BANP: variants seen among roughly 807,000 people sequenced by gnomAD.
The protein encoded by BANP is BTG3 associated nuclear protein.
A neutral mutation model predicts 68.1 loss-of-function variants in BANP; 11 were observed. That is an observed-to-expected ratio of 0.16 (90% CI 0.10 to 0.27). The LOEUF (loss-of-function observed/expected upper bound fraction) is 0.27, where lower values mean the gene tolerates loss of function less well. BANP is among the 10% of genes least tolerant of loss of function. The pLI is 1.00. For synonymous variants in BANP, 329 were observed against 303.2 expected (o/e 1.09, Z -0.88); for missense variants, 504 against 722.7 (o/e 0.70, Z 3.47).
chr16:88,019,527 A>G (rs1349217164), intron 7 of BANP, among the ~76,000 whole-genome samples: 2 of 135,540 alleles, frequency 1.5e-5, no homozygotes, highest in Admixed American at 1.6e-4. Flanking sequence ...AGCGTCCAGG[A>G]TCTCAGCATG....
At chr16:87,964,778 G>A (rs900986174) in intron 1 of BANP, among the ~76,000 whole-genome samples, 7 of 152,230 alleles carry the variant, frequency 4.6e-5, no homozygotes, top group Non-Finnish European at 8.8e-5. Flanking sequence ...AGACGAGGCC[G>A]GATCAGGGTG....
At chr16:88,027,302 G>C (rs1369928176) in intron 7 of BANP, among the ~76,000 whole-genome samples, 181 bp from the exon 8 acceptor site, 6 of 152,194 alleles carry the variant, frequency 3.9e-5, no homozygotes, top group Non-Finnish European at 8.8e-5. Context: ...CCGCCTGTGG[G>C]CCAGCTAAGC....
At chr16:88,044,646 G>A (rs1202767118) in intron 11 of BANP, among the ~76,000 whole-genome samples, 1 of 152,188 alleles carries the variant, frequency 6.6e-6, no homozygotes, top group Non-Finnish European at 1.5e-5. Context: ...GGGACTATCG[G>A]TGTGCACCAC....
chr16:87,998,657 CACAT>C (rs2068014874), intron 4 of BANP, among the ~76,000 whole-genome samples: 1 of 148,730 alleles, frequency 6.7e-6, no homozygotes, highest in Non-Finnish European at 1.5e-5. Flanking sequence ...GACACCCAGA[CACAT>C]CTCCATGCAT....
chr16:87,953,570 A>G (rs1423777981), intron 1 of BANP, among the ~76,000 whole-genome samples: 1 of 152,148 alleles, frequency 6.6e-6, no homozygotes, highest in Non-Finnish European at 1.5e-5. Context: ...CCCTTCTGTC[A>G]TATCCCAACT....
chr16:88,051,686 A>G (rs2083301260), intron 11 of BANP, among the ~76,000 whole-genome samples: 1 of 152,224 alleles, frequency 6.6e-6, no homozygotes, highest in Non-Finnish European at 1.5e-5. Flanking sequence ...CACCCACCTG[A>G]CATAAAAATC....
Position 88,062,940 on chromosome 16 carries a change from G to A in BANP, c.1312-2327G>A, listed in dbSNP as rs760007377. ...GGGCGCTCATCTTGGGGCGTGCAGCGCTCTGTAGGGACCCTGGCGTGACCT... is the reference window on the plus strand; with the variant it reads ...GGGCGCTCATCTTGGGGCGTGCAGCACTCTGTAGGGACCCTGGCGTGACCT... On this transcript the variant is annotated intron_variant, in intron 11 of 13. Coordinates refer to ENST00000682872, the MANE Select transcript of BANP (RefSeq NM_001386991.1). Among the ~76,000 whole-genome samples the A allele has an allele frequency of 1.2e-4, 18 of 152,312 alleles. No individual in the cohort carries two copies. In the South Asian group the frequency reaches 1.5e-3, roughly 12 times the overall value.
chr16:87,995,622 C>T lies in BANP; in HGVS notation c.363-8673C>T, dbSNP rs1004707519. Among the ~76,000 whole-genome samples, 14 of 152,308 alleles carry T rather than the reference C, an allele frequency of 9.2e-5. No homozygotes were observed. In the South Asian group the frequency reaches 1.7e-3, roughly 18 times the overall value. On this transcript the variant is annotated intron_variant, in intron 4 of 13. Transcript: ENST00000682872. ...AATTATAAAAGGGATGCCTACCTGG[C>T]GGCAGAGTGTCACGTGGTGAGGCTG...
In BANP at chr16:88,036,448, C is replaced by T. The variant is rs959062900; in HGVS notation, c.1272+1054C>T. Reference sequence around the variant, plus strand: ...CCTGCCATCGGGGACTCACAGCGGGCGCAGAGCCTCCTGCCCAAGTGCCCG... The same window carrying T: ...CCTGCCATCGGGGACTCACAGCGGGTGCAGAGCCTCCTGCCCAAGTGCCCG... On this transcript the variant is annotated intron_variant, in intron 10 of 13. Coordinates refer to ENST00000682872, the MANE Select transcript of BANP (RefSeq NM_001386991.1). This position sits in a 1 kb window ranked among gnomAD's most constrained non-coding sequence, Gnocchi z 4.2. Among the ~76,000 whole-genome samples, 15 of 152,222 alleles carry T rather than the reference C, an allele frequency of 9.9e-5. No homozygotes were observed. Among genetic ancestry groups the T allele is most frequent in the Admixed American group, 3.3e-4 (5 of 15,298 alleles).
intron 5 of BANP, among the ~76,000 whole-genome samples, chr16:88,005,478 A>C (rs1225253943): frequency 6.6e-6 from 1 of 152,230 alleles, no homozygotes; most frequent in Non-Finnish European, 1.5e-5. Flanking sequence ...TAAGTCTCTA[A>C]ATCATCCTTT....
chr16:88,024,036 G>C (rs2152699333), intron 7 of BANP, among the ~76,000 whole-genome samples: 1 of 152,358 alleles, frequency 6.6e-6, no homozygotes, highest in African/African-American at 2.4e-5. Flanking sequence ...GAGCACTTCT[G>C]TTCTCCTTGT....
At chr16:87,970,351 C>G (rs1343670751) in intron 1 of BANP, among the ~76,000 whole-genome samples, 1 of 152,200 alleles carries the variant, frequency 6.6e-6, no homozygotes, top group Non-Finnish European at 1.5e-5. Context: ...GTGCTGAATT[C>G]TTCATTAATG....
intron 4 of BANP, among the ~76,000 whole-genome samples, chr16:87,987,367 C>T (rs1424818288): frequency 2.0e-5 from 3 of 152,120 alleles, no homozygotes; most frequent in Non-Finnish European, 4.4e-5. Context: ...GCGTGAGCCA[C>T]CACGCCTAGT....
At chr16:88,019,493 C>T (rs2075388344) in intron 7 of BANP, among the ~76,000 whole-genome samples, 1 of 147,048 alleles carries the variant, frequency 6.8e-6, no homozygotes, top group Non-Finnish European at 1.5e-5. Context: ...GATCTCGAAA[C>T]AGGGCGAGCG....
chr16:87,996,586 C>G (rs1458121781), intron 4 of BANP, among the ~76,000 whole-genome samples: 2 of 148,168 alleles, frequency 1.3e-5, no homozygotes, highest in East Asian at 4.0e-4. Context: ...TTGCTGGGCC[C>G]TCGTCCTGGG....
chr16:88,016,111 C>T (rs929061038), intron 6 of BANP, among the ~76,000 whole-genome samples: 1 of 152,250 alleles, frequency 6.6e-6, no homozygotes, highest in Non-Finnish European at 1.5e-5. Context: ...TAAAAATCCT[C>T]CCTTCAGAAG....
Position 88,071,711 on chromosome 16 carries a change from A to T in BANP, c.1378-358A>T. 2 of 512,182 alleles carry T rather than the reference A, an allele frequency of 3.9e-6. No individual in the cohort carries two copies. Among genetic ancestry groups the T allele is most frequent in the Non-Finnish European group, 7.6e-6 (2 of 264,164 alleles). The allele number at this position is 512,182 out of a possible 1,614,324, so 31.7% of individuals were successfully genotyped here. A position where few individuals can be genotyped will look rare whatever the true frequency, so the allele number is the denominator to read the frequency against. Reference sequence around the variant, plus strand: ...CACTCTGGGAGCGCTTGTGCTCTTCATGGTTGCCACTGGGATTTTCCAGGA... The same window carrying T: ...CACTCTGGGAGCGCTTGTGCTCTTCTTGGTTGCCACTGGGATTTTCCAGGA... On this transcript the variant is annotated intron_variant, in intron 12 of 13. Transcript: ENST00000682872. This position sits in a 1 kb window ranked among gnomAD's most constrained non-coding sequence, Gnocchi z 6.5.
rs1191173094 is a variant in BANP at position 88,053,588 on chromosome 16, TCACCAA to T, written c.1312-11675_1312-11670del. Among the ~76,000 whole-genome samples the T allele has an allele frequency of 1.4e-3, 170 of 119,886 alleles. 1 individual carries two copies. Among genetic ancestry groups the T allele is most frequent in the African/African-American group, 5.3e-3 (163 of 30,690 alleles). The allele number at this position is 119,886 out of a possible 152,430, so 78.6% of individuals were successfully genotyped here. On this transcript the variant is annotated intron_variant, in intron 11 of 13. Transcript: ENST00000682872. ...ACCATCATCTCCATCATCATCATCATCACCAACACAACCACCCTAACGACTACCACC... is the reference window on the plus strand; with the variant it reads ...ACCATCATCTCCATCATCATCATCATCACAACCACCCTAACGACTACCACC...
In BANP at chr16:88,016,801, G is replaced by A. The variant is rs1461998041; in HGVS notation, c.656-1627G>A. Among the ~76,000 whole-genome samples the A allele has an allele frequency of 3.9e-5, 6 of 152,302 alleles. No homozygotes were observed. The East Asian group carries it at 5.8e-4, about 15-fold the overall frequency. On this transcript the variant is annotated intron_variant, in intron 6 of 13. Coordinates refer to ENST00000682872, the MANE Select transcript of BANP (RefSeq NM_001386991.1). Reference sequence around the variant, plus strand: ...TGAAAAAATGCACGTCTGAGCGTACGTTCCTGGCAGCATCCCTGTACTTCT... The same window carrying A: ...TGAAAAAATGCACGTCTGAGCGTACATTCCTGGCAGCATCCCTGTACTTCT...
Sources: gnomAD v4.1 joint callset for allele counts (sites outside exome capture counted in the v4.1 genomes callset) on GRCh38, gnomAD v4.1.1 for gene constraint, Gnocchi (gnomAD v3.1) non-coding constraint, MANE v1.5 for transcripts, NCBI Gene and HGNC (gene_info 2026-07-23, HGNC 2026-07-21) for gene names.